Variants in INPP5K observed in about 807,000 individuals in gnomAD.
INPP5K encodes inositol polyphosphate 5-phosphatase K.
A neutral mutation model predicts 53.5 loss-of-function variants in INPP5K; 35 were observed. The observed-to-expected ratio is 0.65, with a 90% CI of 0.50 to 0.87. The LOEUF (loss-of-function observed/expected upper bound fraction) is 0.87. INPP5K is among the 40% of genes least tolerant of loss of function. INPP5K has a pLI of 0.00. For missense variants in INPP5K, 550 were observed against 586.2 expected (o/e 0.94, Z 0.64); for synonymous variants, 253 against 232.8 (o/e 1.09, Z -0.79).
chr17:1,507,292 G>A (rs2075181843), intron 6 of INPP5K: 4 of 559,800 alleles, frequency 7.1e-6, no homozygotes, highest in East Asian at 6.1e-5. Context: ...ACATTACCAA[G>A]GCCCAGGGGA....
At position 1,495,745 on chromosome 17, in the gene INPP5K, C is replaced by T; in HGVS notation, c.*78G>A. On this transcript the variant is annotated 3_prime_UTR_variant, in exon 12 of 12. Coordinates refer to ENST00000421807, the MANE Select transcript of INPP5K (RefSeq NM_016532.4). Reference sequence around the variant, plus strand: ...GTCTCTTCAGGGGGCCAGGCTGGGCCCCCAGCACTCCCGGCAGTGGAAAGG... The same window carrying T: ...GTCTCTTCAGGGGGCCAGGCTGGGCTCCCAGCACTCCCGGCAGTGGAAAGG... The T allele has an allele frequency of 2.8e-6, 3 of 1,063,786 alleles. No individual in the cohort carries two copies. Among genetic ancestry groups the T allele is most frequent in the Non-Finnish European group, 4.3e-6 (3 of 701,680 alleles). The allele number at this position is 1,063,786 out of a possible 1,614,324, so 65.9% of individuals were successfully genotyped here. A position where few individuals can be genotyped will look rare whatever the true frequency, so the allele number is the denominator to read the frequency against.
chr17:1,516,599 A>G lies in INPP5K; in HGVS notation c.-100T>C. 5 of 1,420,658 alleles carry G rather than the reference A, an allele frequency of 3.5e-6. No homozygotes were observed. The East Asian group carries it at 8.8e-5, about 25-fold the overall frequency. 88.0% of individuals were successfully genotyped at this position (1,420,658 alleles called of 1,614,324 possible). The stretch of plus-strand genomic sequence containing the variant: ...TGCGGGCGGCCGGTCTCACGCGCCT[A>G]GCTGTCGCGGACTGTTTTTCTTCCG... On this transcript the variant is annotated 5_prime_UTR_variant, in exon 1 of 12. Transcript: ENST00000421807.
At chr17:1,509,142 A>T in intron 5 of INPP5K, 36 bp downstream of exon 5, 1 of 1,375,098 alleles carries the variant, frequency 7.3e-7, no homozygotes, top group Non-Finnish European at 9.5e-7. Flanking sequence ...AGCGTGGGGC[A>T]GAGGGCGGGG....
intron 3 of INPP5K, among the ~76,000 whole-genome samples, chr17:1,512,959 A>C (rs1317361891): frequency 6.6e-6 from 1 of 152,260 alleles, no homozygotes; most frequent in African/African-American, 2.4e-5. Context: ...AATCCCAGAT[A>C]GCGCATGTGG....
rs761517724 is a variant in INPP5K at position 1,509,261 on chromosome 17, A to G, written c.471T>C (p.Asn157=). 6.2e-7 allele frequency: 1 copy of G among 1,614,070 alleles called. No homozygotes were observed. The highest frequency in any genetic ancestry group is 8.5e-7 in the Non-Finnish European group (1 of 1,180,012). Reference sequence around the variant, plus strand: ...GGTCAAAGTGCTCCAGCCGCTGGTAATTGTTGGAAATGTGGGGAGGCAGGT... The same window carrying G: ...GGTCAAAGTGCTCCAGCCGCTGGTAGTTGTTGGAAATGTGGGGAGGCAGGT... ...NCHLPPHISN[N]YQRLEHFDRI... Residue 157 remains asparagine, a synonymous_variant, in exon 5 of 12, where the codon AAT becomes AAC. Coordinates refer to ENST00000421807, the MANE Select transcript of INPP5K (RefSeq NM_016532.4).
chr17:1,496,364 G>A lies in INPP5K; in HGVS notation c.1140C>T (p.Ala380=), dbSNP rs148962273. The change falls in exon 10 of 12, where the codon GCC becomes GCT. Residue 380 remains alanine (A), a synonymous_variant. Coordinates refer to ENST00000421807, the MANE Select transcript of INPP5K (RefSeq NM_016532.4). ...AGGAGACCTTGCTGTCCCCGACCCA[G>A]GCATAGGACACGTAGTCATTAACGT... ...LRDVNDYVSY[A]WVGDSKVSCS... is the part of the protein sequence containing the mutation. 2.5e-3 allele frequency: 3,989 copies of A among 1,565,008 alleles called. 12 individuals are homozygous for A. The highest frequency in any genetic ancestry group is 3.0e-3 in the Non-Finnish European group (3,510 of 1,154,228).
chr17:1,496,554 G>A (rs1041007572), intron 9 of INPP5K, 112 bp downstream of exon 9: 91 of 1,454,298 alleles, frequency 6.3e-5, no homozygotes, highest in African/African-American at 6.0e-4. Context: ...CAGAAGAACC[G>A]CTGGGGTGGA....
chr17:1,508,352 C>T (rs1383223080), intron 5 of INPP5K, 126 bp from the exon 6 acceptor site: 6 of 732,118 alleles, frequency 8.2e-6, no homozygotes, highest in African/African-American at 1.7e-5. Flanking sequence ...GCAAGTGAGA[C>T]GCCAGGGCAC....
chr17:1,499,966 A>G (rs1452413944), intron 7 of INPP5K, among the ~76,000 whole-genome samples: 1 of 152,230 alleles, frequency 6.6e-6, no homozygotes, highest in Non-Finnish European at 1.5e-5. Context: ...TGATCAATCC[A>G]TCGACAGGGT....
intron 7 of INPP5K, among the ~76,000 whole-genome samples, chr17:1,506,235 G>A (rs1039638578): frequency 6.6e-6 from 1 of 152,108 alleles, no homozygotes; most frequent in Non-Finnish European, 1.5e-5. Context: ...TGTTGGTCAG[G>A]CTGGTCTCAA....
Position 1,496,721 on chromosome 17 carries a change from T to C in INPP5K, c.1046A>G (p.Tyr349Cys), listed in dbSNP as rs1377964063. Residue 349 changes from tyrosine (Y) to cysteine (C), a missense_variant, in exon 9 of 12, where the codon TAC becomes TGC. Tyr to Cys is a radical substitution (Grantham distance 194). Coordinates refer to ENST00000421807, the MANE Select transcript of INPP5K (RefSeq NM_016532.4). The stretch of plus-strand genomic sequence containing the variant: ...GCTGGGGAAGTCCGAGGTTGAAGAG[T>C]AGCTGACCATCATGTCATTTTCCAC... ...WTVENDMMVS[Y>C]SSTSDFPSSP... The C allele has an allele frequency of 1.2e-6, 2 of 1,613,864 alleles. No homozygotes were observed. The highest frequency in any genetic ancestry group is 3.3e-5 in the Admixed American group (2 of 59,996).
intron 1 of INPP5K, chr17:1,516,249 T>G: frequency 2.3e-6 from 2 of 854,574 alleles, no homozygotes; most frequent in Non-Finnish European, 3.4e-6. Flanking sequence ...TGCGCCCCAG[T>G]GGGAACGAGC....
At chr17:1,503,059 A>G (rs1215599703) in intron 7 of INPP5K, among the ~76,000 whole-genome samples, 2 of 150,278 alleles carry the variant, frequency 1.3e-5, no homozygotes, top group African/African-American at 4.9e-5. Context: ...CAACTTTTGT[A>G]TTTTTTTGTA....
At position 1,496,747 on chromosome 17, in the gene INPP5K, G is replaced by A. The variant is rs141224887; in HGVS notation, c.1020C>T (p.Thr340=). Residue 340 remains threonine (T), a synonymous_variant, in exon 9 of 12, where the codon ACC becomes ACT. Transcript: ENST00000421807. Reference sequence around the variant, plus strand: ...AGCTGACCATCATGTCATTTTCCACGGTCCACAGGTCCTCGGGCATCAGGA... The same window carrying A: ...AGCTGACCATCATGTCATTTTCCACAGTCCACAGGTCCTCGGGCATCAGGA... ...LIVLMPEDLW[T]VENDMMVSYS... 4.1e-5 allele frequency: 66 copies of A among 1,614,036 alleles called. No individual in the cohort carries two copies. Among genetic ancestry groups the A allele is most frequent in the Non-Finnish European group, 5.1e-5 (60 of 1,180,016 alleles).
At chr17:1,508,418 A>T (rs1220382966) in intron 5 of INPP5K, 192 bp from the exon 6 acceptor site, 4 of 581,710 alleles carry the variant, frequency 6.9e-6, no homozygotes, top group Middle Eastern at 4.7e-4. Flanking sequence ...CAAACCGGAG[A>T]GACCTACCAA....
At position 1,496,737 on chromosome 17, in the gene INPP5K, C is replaced by A. The variant is rs535853143; in HGVS notation, c.1030G>T (p.Asp344Tyr). Residue 344 changes from aspartate to tyrosine, a missense_variant, in exon 9 of 12, where the codon GAC becomes TAC. Transcript: ENST00000421807. ...MPEDLWTVEN[D>Y]MMVSYSSTSD... ...GTTGAAGAGTAGCTGACCATCATGT[C>A]ATTTTCCACGGTCCACAGGTCCTCG... is the stretch of plus-strand genomic sequence containing the variant. The A allele has an allele frequency of 6.2e-6, 10 of 1,614,220 alleles. No individual in the cohort carries two copies. The highest frequency in any genetic ancestry group is 7.6e-6 in the Non-Finnish European group (9 of 1,180,032).
rs550894366 is a variant in INPP5K, at chr17:1,495,097, A to G, written c.*726T>C. On this transcript the variant is annotated 3_prime_UTR_variant, in exon 12 of 12. Coordinates refer to ENST00000421807, the MANE Select transcript of INPP5K (RefSeq NM_016532.4). ...TCAGATGGCAGGGTGGAGGCATGGGACTCAAGCTACCAACGGAAGCGAACC... is the reference window on the plus strand; with the variant it reads ...TCAGATGGCAGGGTGGAGGCATGGGGCTCAAGCTACCAACGGAAGCGAACC... 6.6e-5 allele frequency: 10 copies of G among 152,180 alleles called. No homozygotes were observed. The highest frequency in any genetic ancestry group is 2.2e-4 in the African/African-American group (9 of 41,522). 9.4% of individuals were successfully genotyped at this position (152,180 alleles called of 1,614,324 possible). A position where few individuals can be genotyped will look rare whatever the true frequency, so the allele number is the denominator to read the frequency against.
intron 7 of INPP5K, among the ~76,000 whole-genome samples, chr17:1,500,572 A>G (rs913595425): frequency 9.2e-5 from 14 of 152,154 alleles, no homozygotes; most frequent in African/African-American, 3.4e-4. Context: ...TCACCGCATT[A>G]GCCAGGATGG....
At chr17:1,500,998 G>A (rs985851194) in intron 7 of INPP5K, among the ~76,000 whole-genome samples, 7 of 134,942 alleles carry the variant, frequency 5.2e-5, no homozygotes, top group African/African-American at 1.4e-4. Flanking sequence ...TCTCGCTATC[G>A]CCCAGGCTGG....
Sources: allele counts gnomAD v4.1 joint callset (sites outside exome capture counted in the v4.1 genomes callset), GRCh38; gene constraint gnomAD v4.1.1; transcripts MANE v1.5; gene names NCBI Gene and HGNC (gene_info 2026-07-23, HGNC 2026-07-21).